Variants in RPS6KA2 observed in about 807,000 individuals in gnomAD.
RPS6KA2 encodes ribosomal protein S6 kinase alpha-2.
In RPS6KA2, 42 loss-of-function variants were observed where a neutral mutation model predicts 91.8. The ratio of observed to expected loss-of-function variants is 0.46; its 90% CI spans 0.36 to 0.59. The LOEUF is 0.59. Ranked by LOEUF, RPS6KA2 falls within the 20% of genes least tolerant of loss-of-function variation. RPS6KA2 has a pLI of 0.00. For missense variants in RPS6KA2, 798 were observed against 978.5 expected (o/e 0.82, Z 2.46); for synonymous variants, 414 against 393.6 (o/e 1.05, Z -0.61).
chr6:166,778,454 G>A (rs1044165100), intron 2 of RPS6KA2, among the ~76,000 whole-genome samples: 22 of 152,298 alleles, frequency 1.4e-4, no homozygotes, highest in Middle Eastern at 3.4e-3. Flanking sequence ...AACTCAGAAC[G>A]CCATACATTG....
chr6:166,791,897 C>A (rs1233172684), intron 2 of RPS6KA2, among the ~76,000 whole-genome samples: 2 of 151,660 alleles, frequency 1.3e-5, no homozygotes, highest in Middle Eastern at 3.4e-3. Context: ...GTACTAAATG[C>A]CCACAAGAGA....
chr6:166,694,080 C>A (rs1479359540), intron 2 of RPS6KA2, among the ~76,000 whole-genome samples: 1 of 152,196 alleles, frequency 6.6e-6, no homozygotes, highest in Non-Finnish European at 1.5e-5. Context: ...AAGACGATGG[C>A]GAACCTCTTT....
rs750184548 is a variant in RPS6KA2 at position 166,775,975 on chromosome 6, G to A, written c.123+82225C>T. On this transcript the variant is annotated intron_variant, in intron 2 of 21. Coordinates refer to the RPS6KA2 transcript ENST00000503859. ...GAGGGCCAGAACTGGAAGTGAGGGC[G>A]GGCATTGCTGGCTTTATCTGATCAC... is the stretch of plus-strand genomic sequence containing the variant. 4.6e-5 allele frequency among the ~76,000 whole-genome samples: 7 copies of A among 152,310 alleles called. No homozygotes were observed. In the South Asian group the frequency reaches 1.2e-3, roughly 27 times the overall value.
intron 2 of RPS6KA2, among the ~76,000 whole-genome samples, chr6:166,747,395 A>G (rs1791053687): frequency 6.6e-6 from 1 of 152,244 alleles, no homozygotes; most frequent in South Asian, 2.1e-4. Flanking sequence ...AGGAGCACTC[A>G]ACCATAATGG....
rs528370611 is a variant in RPS6KA2 at position 166,789,736 on chromosome 6, G to A, written c.123+68464C>T. The stretch of plus-strand genomic sequence containing the variant: ...CCGCTGTTCTGCAGCCACCACTCCT[G>A]ATACCCAGGCAAACAGGGTCTGGAG... On this transcript the variant is annotated intron_variant, in intron 2 of 21. Coordinates refer to the RPS6KA2 transcript ENST00000503859. Among the ~76,000 whole-genome samples the A allele has an allele frequency of 2.9e-4, 44 of 152,314 alleles. 2 individuals are homozygous for A. The South Asian group carries it at 7.7e-3, about 27-fold the overall frequency.
chr6:166,814,009 T>A (rs540845496), intron 2 of RPS6KA2, among the ~76,000 whole-genome samples: 2 of 152,358 alleles, frequency 1.3e-5, no homozygotes, highest in Non-Finnish European at 1.5e-5. Context: ...TAAATACTTA[T>A]CAATTGTTGA....
At position 166,418,291 on chromosome 6, in the gene RPS6KA2, C is replaced by T. The variant is rs771214774; in HGVS notation, c.1872G>A (p.Ala624=). Residue 624 remains alanine, a synonymous_variant, in exon 19 of 21, where the codon GCG becomes GCA. Transcript: ENST00000265678. This position sits in a 1 kb window ranked among gnomAD's most constrained non-coding sequence, Gnocchi z 4.9. ...GPDDTPEEIL[A]RIGSGKYALS... Reference sequence around the variant, plus strand: ...GGGCATACTTCCCACTGCCGATCCGCGCCAGAATCTCCTCAGGGGTATCGT... The same window carrying T: ...GGGCATACTTCCCACTGCCGATCCGTGCCAGAATCTCCTCAGGGGTATCGT... 39 of 1,613,964 alleles carry T rather than the reference C, an allele frequency of 2.4e-5. No individual in the cohort carries two copies. The highest frequency in any genetic ancestry group is 9.9e-5 in the South Asian group (9 of 91,072).
chr6:166,768,610 T>C (rs1283138750), intron 2 of RPS6KA2, among the ~76,000 whole-genome samples: 6 of 150,842 alleles, frequency 4.0e-5, no homozygotes, highest in Non-Finnish European at 8.9e-5. Flanking sequence ...CAGAGAGAGG[T>C]GAGTAGGGAG....
chr6:166,741,102 C>T (rs1455642636), intron 2 of RPS6KA2, among the ~76,000 whole-genome samples: 2 of 152,188 alleles, frequency 1.3e-5, no homozygotes, highest in Non-Finnish European at 2.9e-5. Flanking sequence ...ATCAGTGACA[C>T]CTGAAGGAGA....
At position 166,666,379 on chromosome 6, in the gene RPS6KA2, G is replaced by A. The variant is rs1302641072; in HGVS notation, c.124-127595C>T. ...GTCAGGTACTCAGATCCTGACATTTGTCAGTTGTGTCAAAATGCTAGAAAG... is the reference window on the plus strand; with the variant it reads ...GTCAGGTACTCAGATCCTGACATTTATCAGTTGTGTCAAAATGCTAGAAAG... On this transcript the variant is annotated intron_variant, in intron 2 of 21. Transcript: ENST00000503859. The surrounding 1 kb of genome is among the most constrained non-coding windows in gnomAD (Gnocchi z 4.0). Among the ~76,000 whole-genome samples, 1 of 152,206 alleles carries A rather than the reference G, an allele frequency of 6.6e-6. No homozygotes were observed. The highest frequency in any genetic ancestry group is 1.5e-5 in the Non-Finnish European group (1 of 68,048).
chr6:166,685,791 C>A (rs1365679688), intron 2 of RPS6KA2, among the ~76,000 whole-genome samples: 1 of 152,196 alleles, frequency 6.6e-6, no homozygotes, highest in East Asian at 1.9e-4. Context: ...TTTCTCCCAC[C>A]ACATCTCCTA....
At chr6:166,853,863 C>T (rs1780815853) in intron 2 of RPS6KA2, among the ~76,000 whole-genome samples, 1 of 152,252 alleles carries the variant, frequency 6.6e-6, no homozygotes. Flanking sequence ...TGCCTCAGTA[C>T]ACATGGCCTG....
chr6:166,672,510 G>A (rs1364934304), intron 2 of RPS6KA2, among the ~76,000 whole-genome samples: 1 of 152,214 alleles, frequency 6.6e-6, no homozygotes. Context: ...CATGGAGGCA[G>A]AGTACCCATC....
intron 14 of RPS6KA2, among the ~76,000 whole-genome samples, chr6:166,436,628 C>A (rs966699778): frequency 6.6e-6 from 1 of 152,226 alleles, no homozygotes; most frequent in Non-Finnish European, 1.5e-5. Context: ...GCAGAACTGC[C>A]CAGGAGCCAG....
At chr6:166,851,725 T>C (rs779109481) in intron 2 of RPS6KA2, among the ~76,000 whole-genome samples, 7 of 152,150 alleles carry the variant, frequency 4.6e-5, no homozygotes, top group Non-Finnish European at 1.0e-4. Flanking sequence ...CTCTGGGAAA[T>C]GTGCAAAGGC....
intron 1 of RPS6KA2, among the ~76,000 whole-genome samples, chr6:166,596,684 A>AGAT (rs1212109347): frequency 1.3e-5 from 2 of 152,206 alleles, no homozygotes; most frequent in Non-Finnish European, 2.9e-5. Flanking sequence ...CTCAACTTGC[A>AGAT]GATGGCCTAT....
intron 1 of RPS6KA2, among the ~76,000 whole-genome samples, chr6:166,608,994 C>G (rs1786058774): frequency 6.6e-6 from 1 of 152,148 alleles, no homozygotes; most frequent in Non-Finnish European, 1.5e-5. Flanking sequence ...TAGGCTCAGC[C>G]CCAGTTCAAC....
intron 2 of RPS6KA2, among the ~76,000 whole-genome samples, chr6:166,708,429 C>T (rs1789750717): frequency 6.6e-6 from 1 of 152,178 alleles, no homozygotes; most frequent in Admixed American, 6.5e-5. Context: ...GGACTTGACA[C>T]AGAAAAATCT....
rs1177896484 is a variant in RPS6KA2, at chr6:166,648,197, T to C, written c.124-109413A>G. Reference sequence around the variant, plus strand: ...GCTCACACACATGCACACATGCTCATACACACACTCATGCACACACACGCA... The same window carrying C: ...GCTCACACACATGCACACATGCTCACACACACACTCATGCACACACACGCA... On this transcript the variant is annotated intron_variant, in intron 2 of 21. Transcript: ENST00000503859. This position sits in a 1 kb window ranked among gnomAD's most constrained non-coding sequence, Gnocchi z 4.8. Among the ~76,000 whole-genome samples, 2 of 65,796 alleles carry C rather than the reference T, an allele frequency of 3.0e-5. No homozygotes were observed. Among genetic ancestry groups the C allele is most frequent in the Non-Finnish European group, 6.0e-5 (2 of 33,316 alleles). The allele number at this position is 65,796 out of a possible 152,430, so 43.2% of individuals were successfully genotyped here. A position where few individuals can be genotyped will look rare whatever the true frequency, so the allele number is the denominator to read the frequency against.
Sources: gnomAD v4.1 joint callset for allele counts (sites outside exome capture counted in the v4.1 genomes callset) on GRCh38, gnomAD v4.1.1 for gene constraint, Gnocchi (gnomAD v3.1) non-coding constraint, MANE v1.5 for transcripts, NCBI Gene and HGNC (gene_info 2026-07-23, HGNC 2026-07-21) for gene names.